Variants in ERO1A observed in about 807,000 individuals in gnomAD.
The protein encoded by ERO1A is ERO1-like protein alpha.
In ERO1A, 49 loss-of-function variants were observed where a neutral mutation model predicts 76.9. The observed-to-expected ratio is 0.64, with a 90% CI of 0.51 to 0.81. The LOEUF (loss-of-function observed/expected upper bound fraction) is 0.81, where lower values mean the gene tolerates loss of function less well. ERO1A is among the 30% of genes least tolerant of loss of function. The probability of loss-of-function intolerance (pLI) is 0.00; values close to 1 mark genes in which losing one functional copy is unlikely to be tolerated. For synonymous variants in ERO1A, 174 were observed against 181.2 expected, an observed-to-expected ratio of 0.96 and a Z score of 0.32; for missense variants, 448 against 542.1, an observed-to-expected ratio of 0.83 and a Z score of 1.72.
At chr14:52,658,904 T>G (rs1465055107) in intron 9 of ERO1A, among the ~76,000 whole-genome samples, 1 of 152,216 alleles carries the variant, frequency 6.6e-6, no homozygotes, top group Non-Finnish European at 1.5e-5. Context: ...TGTATGCATT[T>G]GCTACAGAGA....
intron 13 of ERO1A, among the ~76,000 whole-genome samples, chr14:52,647,298 C>A (rs1429093754): frequency 6.6e-6 from 1 of 151,154 alleles, no homozygotes; most frequent in African/African-American, 2.4e-5. Context: ...CTGTGCCCAG[C>A]CCTTTGGTTT....
Position 52,641,353 on chromosome 14 carries a change from G to A in ERO1A, c.*2217C>T, listed in dbSNP as rs1475998015. ...GTGGTGGCTCACGCCTGTAATCCCAGCACTTTGGGAGGTCGAGGTGGGTGG... is the reference window on the plus strand; with the variant it reads ...GTGGTGGCTCACGCCTGTAATCCCAACACTTTGGGAGGTCGAGGTGGGTGG... On this transcript the variant is annotated 3_prime_UTR_variant, in exon 16 of 16. Transcript: ENST00000395686. 6.6e-6 allele frequency: 1 copy of A among 150,402 alleles called. No individual in the cohort carries two copies. Among genetic ancestry groups the A allele is most frequent in the African/African-American group, 2.5e-5 (1 of 40,762 alleles). The allele number at this position is 150,402 out of a possible 1,614,324, so 9.3% of individuals were successfully genotyped here. A position where few individuals can be genotyped will look rare whatever the true frequency, so the allele number is the denominator to read the frequency against.
intron 2 of ERO1A, among the ~76,000 whole-genome samples, chr14:52,682,629 T>C (rs1187418508): frequency 6.6e-6 from 1 of 152,212 alleles, no homozygotes; most frequent in Non-Finnish European, 1.5e-5. Context: ...CCGGGCACAG[T>C]GGCTTATGCC....
chr14:52,682,791 C>G (rs1470462152), intron 2 of ERO1A, among the ~76,000 whole-genome samples: 1 of 150,074 alleles, frequency 6.7e-6, no homozygotes, highest in Non-Finnish European at 1.5e-5. Flanking sequence ...CCTAGCTACT[C>G]GGGAGGCTGA....
chr14:52,684,150 C>A (rs200747568), intron 1 of ERO1A, among the ~76,000 whole-genome samples: 1 of 139,278 alleles, frequency 7.2e-6, no homozygotes, highest in African/African-American at 2.6e-5. Context: ...CACACACACA[C>A]AGAGAGAGTT....
chr14:52,649,298 C>T (rs188375622), intron 13 of ERO1A, among the ~76,000 whole-genome samples: 1 of 152,252 alleles, frequency 6.6e-6, no homozygotes, highest in Admixed American at 6.5e-5. Flanking sequence ...AAATAATTCT[C>T]CTTCATACAA....
chr14:52,688,834 T>A (rs954663009), intron 1 of ERO1A, among the ~76,000 whole-genome samples: 3 of 152,238 alleles, frequency 2.0e-5, no homozygotes, highest in Admixed American at 2.0e-4. Context: ...AGAGGTATCC[T>A]TTAATTTGCA....
In ERO1A at chr14:52,676,784, C is replaced by G. The variant is rs546406847; in HGVS notation, c.357+1650G>C. ...GTGTCGTGGCTCACACCTGTAATCC[C>G]AACCCTTTGAGAGGCCGAGGTGGGT... On this transcript the variant is annotated intron_variant, in intron 4 of 15. Transcript: ENST00000395686. 2.6e-5 allele frequency among the ~76,000 whole-genome samples: 4 copies of G among 151,312 alleles called. No homozygotes were observed. The East Asian group carries it at 7.8e-4, about 29-fold the overall frequency.
At chr14:52,671,967 T>TA (rs1318490059) in intron 4 of ERO1A, 96 bp from the exon 5 acceptor site, 3 of 888,220 alleles carry the variant, frequency 3.4e-6, no homozygotes, top group Admixed American at 5.6e-5. Context: ...TTATTTTTTT[T>TA]ATTTTTCCAA....
intron 4 of ERO1A, 133 bp from the exon 5 acceptor site, chr14:52,672,004 A>G: frequency 1.4e-6 from 1 of 709,970 alleles, no homozygotes; most frequent in Non-Finnish European, 2.3e-6. Context: ...TTAATTTTTC[A>G]TAAAATTGCC....
rs747527338 is a variant in ERO1A at position 52,671,715 on chromosome 14, GA to G, written c.435-13del. 1.1e-5 allele frequency: 17 copies of G among 1,586,274 alleles called. No individual in the cohort carries two copies. In the African/African-American group the frequency reaches 1.2e-4, roughly 11 times the overall value. ...TCTGTGTTTCCTCACTTCAAACAAA[GA>G]AAAAAAATAACATTATTATTTTTAA... On this transcript the variant is annotated splice_polypyrimidine_tract_variant and intron_variant, in intron 5 of 15. Coordinates refer to ENST00000395686, the MANE Select transcript of ERO1A (RefSeq NM_014584.3).
intron 1 of ERO1A, among the ~76,000 whole-genome samples, chr14:52,688,361 G>A (rs1181196834): frequency 6.6e-6 from 1 of 152,104 alleles, no homozygotes; most frequent in Non-Finnish European, 1.5e-5. Flanking sequence ...GACCTCCTTA[G>A]GTTTGAATCC....
chr14:52,660,829 T>G (rs2040207085), intron 9 of ERO1A, among the ~76,000 whole-genome samples: 1 of 152,228 alleles, frequency 6.6e-6, no homozygotes, highest in African/African-American at 2.4e-5. Context: ...GTAAACCTAA[T>G]GTATGCTGAA....
At chr14:52,679,544 C>T (rs975548239) in intron 3 of ERO1A, among the ~76,000 whole-genome samples, 2 of 151,964 alleles carry the variant, frequency 1.3e-5, no homozygotes, top group Non-Finnish European at 2.9e-5. Flanking sequence ...TCCCGAGTGG[C>T]ACCCTGCTAT....
chr14:52,676,379 A>C (rs967641687), intron 4 of ERO1A, among the ~76,000 whole-genome samples: 1 of 152,172 alleles, frequency 6.6e-6, no homozygotes, highest in Non-Finnish European at 1.5e-5. Context: ...ATGTAATTTC[A>C]CAGGTTTCCC....
Position 52,695,359 on chromosome 14 carries a change from A to G in ERO1A, c.114+9T>C. 2 of 1,433,990 alleles carry G rather than the reference A, an allele frequency of 1.4e-6. No homozygotes were observed. The highest frequency in any genetic ancestry group is 1.9e-6 in the Non-Finnish European group (2 of 1,080,904). The allele number at this position is 1,433,990 out of a possible 1,614,324, so 88.8% of individuals were successfully genotyped here. ...CGGGACCCTCAGCACCAACGCGCACATCGCTCACCTGGCAGAAGCACCTCT... is the reference window on the plus strand; with the variant it reads ...CGGGACCCTCAGCACCAACGCGCACGTCGCTCACCTGGCAGAAGCACCTCT... On this transcript the variant is annotated intron_variant, in intron 1 of 15. Coordinates refer to ENST00000395686, the MANE Select transcript of ERO1A (RefSeq NM_014584.3).
At chr14:52,684,288 G>T (rs1190546445) in intron 1 of ERO1A, among the ~76,000 whole-genome samples, 1 of 152,118 alleles carries the variant, frequency 6.6e-6, no homozygotes. Context: ...GAATAACAGG[G>T]AAAGATGTCT....
chr14:52,692,129 G>A (rs2139798295), intron 1 of ERO1A, among the ~76,000 whole-genome samples: 1 of 152,278 alleles, frequency 6.6e-6, no homozygotes, highest in African/African-American at 2.4e-5. Flanking sequence ...ACTCCTGTTG[G>A]CATAGTGCTT....
chr14:52,687,252 C>G (rs1163479444), intron 1 of ERO1A, among the ~76,000 whole-genome samples: 2 of 152,004 alleles, frequency 1.3e-5, no homozygotes, highest in East Asian at 1.9e-4. Flanking sequence ...ATGGTAAAAC[C>G]CTGTCTCAAC....
Sources: gnomAD v4.1 joint callset for allele counts (sites outside exome capture counted in the v4.1 genomes callset) on GRCh38, gnomAD v4.1.1 for gene constraint, MANE v1.5 for transcripts, NCBI Gene and HGNC (gene_info 2026-07-23, HGNC 2026-07-21) for gene names.